TXNRD2: variants seen among roughly 807,000 people sequenced by gnomAD.
TXNRD2 encodes the protein thioredoxin reductase 2.
A neutral mutation model predicts 70.8 loss-of-function variants in TXNRD2; 67 were observed. The observed-to-expected ratio is 0.95, with a 90% CI of 0.78 to 1.16. The LOEUF (loss-of-function observed/expected upper bound fraction) is 1.16, where lower values mean the gene tolerates loss of function less well. TXNRD2 is among the 50% of genes most tolerant of loss of function. The probability of loss-of-function intolerance (pLI) is 0.00; values close to 1 mark genes in which losing one functional copy is unlikely to be tolerated. For missense variants in TXNRD2, 644 were observed against 719.9 expected, an observed-to-expected ratio of 0.89 and a Z score of 1.21; for synonymous variants, 301 against 295.8, an observed-to-expected ratio of 1.02 and a Z score of -0.18.
At chr22:19,886,381 C>T (rs1389165938) in intron 11 of TXNRD2, among the ~76,000 whole-genome samples, 1 of 152,276 alleles carries the variant, frequency 6.6e-6, no homozygotes, top group Admixed American at 6.5e-5. Context: ...CCAGATCTCC[C>T]TGCTGGTGCT....
intron 15 of TXNRD2, 22 bp downstream of exon 15, chr22:19,878,344 C>T (rs1407401265): frequency 2.5e-6 from 4 of 1,613,512 alleles, no homozygotes; most frequent in Admixed American, 1.7e-5. Flanking sequence ...TCCTCAGCAC[C>T]CTGGGCCACA....
rs569843348 is a variant in TXNRD2 at position 19,917,863 on chromosome 22, C to T, written c.449+280G>A. On this transcript the variant is annotated intron_variant, in intron 5 of 17. Transcript: ENST00000400521. ...GCCTGAGGCCTTCCAGCCCCAAGCG[C>T]CTCCTCCCTGTGCAGCCCTGGGCTC... 2.6e-5 allele frequency among the ~76,000 whole-genome samples: 4 copies of T among 152,330 alleles called. No homozygotes were observed. The South Asian group carries it at 8.3e-4, about 32-fold the overall frequency.
At chr22:19,876,704 A>C in intron 17 of TXNRD2, 2 of 159,258 alleles carry the variant, frequency 1.3e-5, no homozygotes, top group Non-Finnish European at 2.7e-5. Context: ...TGGGGCAGCA[A>C]CTTGAGATGC....
intron 11 of TXNRD2, among the ~76,000 whole-genome samples, chr22:19,891,235 C>T (rs1014904924): frequency 1.2e-4 from 18 of 152,226 alleles, no homozygotes; most frequent in African/African-American, 4.1e-4. Flanking sequence ...TATCACAAGG[C>T]CCCAGGCAGA....
chr22:19,930,884 G>A (rs1378209098), intron 2 of TXNRD2, 146 bp downstream of exon 2: 13 of 737,446 alleles, frequency 1.8e-5, no homozygotes, highest in Non-Finnish European at 3.1e-5. Context: ...AGAGTGGCAG[G>A]GAACAAGCCA....
chr22:19,915,157 C>T (rs1194102604), intron 7 of TXNRD2, 57 bp downstream of exon 7: 1 of 1,565,220 alleles, frequency 6.4e-7, no homozygotes, highest in Admixed American at 1.7e-5. Context: ...ACGTATCCCT[C>T]AAAGAGGCCG....
intron 12 of TXNRD2, among the ~76,000 whole-genome samples, chr22:19,881,852 A>G (rs558799846): frequency 2.6e-5 from 4 of 152,262 alleles, no homozygotes; most frequent in Non-Finnish European, 5.9e-5. Flanking sequence ...CTGGGGCTGC[A>G]GGGTGGCTGA....
chr22:19,927,147 A>T (rs1235163763), intron 2 of TXNRD2, among the ~76,000 whole-genome samples: 1 of 152,026 alleles, frequency 6.6e-6, no homozygotes, highest in African/African-American at 2.4e-5. Context: ...TACAAAAATT[A>T]GCTGGGCGTG....
At chr22:19,919,736 C>T in intron 2 of TXNRD2, 137 bp from the exon 3 acceptor site, 1 of 823,554 alleles carries the variant, frequency 1.2e-6, no homozygotes, top group Non-Finnish European at 2.0e-6. Context: ...AGTGGCTGAG[C>T]TGCGCAATGC....
chr22:19,892,214 A>G (rs1939295387), intron 11 of TXNRD2, among the ~76,000 whole-genome samples: 1 of 152,244 alleles, frequency 6.6e-6, no homozygotes, highest in Non-Finnish European at 1.5e-5. Context: ...CCTTTATTGC[A>G]AGTAGAAATA....
At chr22:19,909,590 A>ACT (rs1940240006) in intron 8 of TXNRD2, among the ~76,000 whole-genome samples, 1 of 79,900 alleles carries the variant, frequency 1.3e-5, no homozygotes, top group East Asian at 4.4e-4. Flanking sequence ...CACACACACC[A>ACT]CACACACCAC....
chr22:19,932,002 T>C (rs988884870), intron 1 of TXNRD2, among the ~76,000 whole-genome samples: 1 of 150,982 alleles, frequency 6.6e-6, no homozygotes, highest in Non-Finnish European at 1.5e-5. Flanking sequence ...CTACTAAAAA[T>C]ACAAAAAAAT....
chr22:19,941,575 G>A, intron 1 of TXNRD2, 126 bp downstream of exon 1: 5 of 1,310,924 alleles, frequency 3.8e-6, no homozygotes, highest in East Asian at 6.4e-5. Flanking sequence ...CCAAGAGGCC[G>A]GTATGTGGAC....
At chr22:19,887,818 C>T (rs988147493) in intron 11 of TXNRD2, 3 of 152,260 alleles carry the variant, frequency 2.0e-5, no homozygotes, top group African/African-American at 7.2e-5. Context: ...ACATATAAGG[C>T]AAAGAAGAGC....
chr22:19,880,287 G>C lies in TXNRD2; in HGVS notation c.1183-16C>G. On this transcript the variant is annotated splice_polypyrimidine_tract_variant and intron_variant, in intron 13 of 17. Coordinates refer to ENST00000400521, the MANE Select transcript of TXNRD2 (RefSeq NM_006440.5). ...TCGTGGGAACCTGAAAGCAGGTCTG[G>C]AGTCAGGGAGGGCCCTTGGGCCCCG... 1 of 1,612,726 alleles carries C rather than the reference G, an allele frequency of 6.2e-7. No individual in the cohort carries two copies. The highest frequency in any genetic ancestry group is 1.1e-5 in the South Asian group (1 of 91,056).
At position 19,895,584 on chromosome 22, in the gene TXNRD2, G is replaced by A. The variant is rs775851754; in HGVS notation, c.775-3C>T. On this transcript the variant is annotated splice_region_variant and splice_polypyrimidine_tract_variant and intron_variant, in intron 10 of 17. Transcript: ENST00000400521. ...TCTATGACCATGGAGGACATTTGCT[G>A]CAAAGCACAAGAAGACAGGCCATGA... is the stretch of plus-strand genomic sequence containing the variant. 1 of 1,610,100 alleles carries A rather than the reference G, an allele frequency of 6.2e-7. No homozygotes were observed. The highest frequency in any genetic ancestry group is 8.5e-7 in the Non-Finnish European group (1 of 1,180,004).
At chr22:19,890,210 G>A (rs750652437) in intron 11 of TXNRD2, among the ~76,000 whole-genome samples, 24 of 152,298 alleles carry the variant, frequency 1.6e-4, no homozygotes, top group African/African-American at 3.9e-4. Flanking sequence ...CCGGGGCCAC[G>A]TGGTGTGGAG....
intron 7 of TXNRD2, among the ~76,000 whole-genome samples, chr22:19,914,049 G>C (rs139596707): frequency 6.6e-6 from 1 of 152,134 alleles, no homozygotes; most frequent in Non-Finnish European, 1.5e-5. Flanking sequence ...CAAAGTTATC[G>C]CATTAAATTA....
At chr22:19,888,885 T>C (rs994331122) in intron 11 of TXNRD2, among the ~76,000 whole-genome samples, 1 of 149,152 alleles carries the variant, frequency 6.7e-6, no homozygotes, top group African/African-American at 2.4e-5. Context: ...TTATCTTCTT[T>C]TTTTTTTTTT....
Sources: allele counts gnomAD v4.1 joint callset (sites outside exome capture counted in the v4.1 genomes callset), GRCh38; gene constraint gnomAD v4.1.1; transcripts MANE v1.5; gene names NCBI Gene and HGNC (gene_info 2026-07-23, HGNC 2026-07-21).